The following DNAH14 variants were observed in gnomAD, a reference collection of about 807,000 sequenced individuals.
DNAH14 encodes the protein dynein axonemal heavy chain 14.
In DNAH14, 478 loss-of-function variants were observed where a neutral mutation model predicts 520.9. That is an observed-to-expected ratio of 0.92 (90% CI 0.85 to 0.99). DNAH14 has a LOEUF of 0.99. Ranked by LOEUF, DNAH14 falls within the 50% of genes least tolerant of loss-of-function variation. DNAH14 has a pLI of 0.00. For synonymous variants in DNAH14, 1,581 were observed against 1,757.2 expected, an observed-to-expected ratio of 0.90 and a Z score of 2.51; for missense variants, 4,831 against 5,234.5, an observed-to-expected ratio of 0.92 and a Z score of 2.38.
In DNAH14 at chr1:225,050,387, A is replaced by C; in HGVS notation, c.2079+11A>C. Reference sequence around the variant, plus strand: ...GCCTACCAAAATATAGTAAGTTTTAAAACAGTTCATTTTAGGAAATGTTTA... The same window carrying C: ...GCCTACCAAAATATAGTAAGTTTTACAACAGTTCATTTTAGGAAATGTTTA... On this transcript the variant is annotated intron_variant, in intron 16 of 85. Coordinates refer to ENST00000682510, the MANE Select transcript of DNAH14 (RefSeq NM_001367479.1). 1 of 1,524,376 alleles carries C rather than the reference A, an allele frequency of 6.6e-7. No homozygotes were observed. The highest frequency in any genetic ancestry group is 8.8e-7 in the Non-Finnish European group (1 of 1,139,354). The allele number at this position is 1,524,376 out of a possible 1,614,324, so 94.4% of individuals were successfully genotyped here.
intron 26 of DNAH14, among the ~76,000 whole-genome samples, chr1:225,121,490 G>A (rs926225708): frequency 2.6e-5 from 4 of 152,096 alleles, no homozygotes; most frequent in African/African-American, 7.2e-5. Flanking sequence ...CCATATAAAT[G>A]AGATCATACA....
chr1:225,303,772 T>G (rs2094184253), intron 57 of DNAH14, among the ~76,000 whole-genome samples: 1 of 152,116 alleles, frequency 6.6e-6, no homozygotes, highest in African/African-American at 2.4e-5. Context: ...AACTCAGAAT[T>G]TATGAGCCAA....
At chr1:225,239,734 A>G (rs1448467765) in intron 42 of DNAH14, among the ~76,000 whole-genome samples, 1 of 152,226 alleles carries the variant, frequency 6.6e-6, no homozygotes. Context: ...AAATCAATAC[A>G]TAATAACCAC....
At chr1:224,953,502 A>G (rs1411171435) in intron 2 of DNAH14, among the ~76,000 whole-genome samples, 2 of 152,166 alleles carry the variant, frequency 1.3e-5, no homozygotes, top group African/African-American at 2.4e-5. Flanking sequence ...TATGTAAAAC[A>G]CTCCTTAAAA....
At chr1:225,126,674 A>G (rs557068757) in intron 27 of DNAH14, among the ~76,000 whole-genome samples, 24 of 152,124 alleles carry the variant, frequency 1.6e-4, no homozygotes, top group African/African-American at 5.8e-4. Flanking sequence ...GGATTCATTA[A>G]TTTTTTGAAG....
Position 225,274,194 on chromosome 1 carries a change from G to GTTTTTTTTTTTTTT in DNAH14, c.8010+1071_8010+1072insTTTTTTTTTTTTTT, listed in dbSNP as rs1193834939. On this transcript the variant is annotated intron_variant, in intron 52 of 85. Transcript: ENST00000682510. ...TTTCTCTGCATCCTCACCAGCATCT[G>GTTTTTTTTTTTTTT]TTATTTTTTTTTTTTTTTTTTTTTT... Among the ~76,000 whole-genome samples the GTTTTTTTTTTTTTT allele has an allele frequency of 4.1e-3, 489 of 120,216 alleles. 84 individuals are homozygous for GTTTTTTTTTTTTTT. Among genetic ancestry groups the GTTTTTTTTTTTTTT allele is most frequent in the East Asian group, 9.6e-3 (35 of 3,640 alleles). The allele number at this position is 120,216 out of a possible 152,430, so 78.9% of individuals were successfully genotyped here.
chr1:225,054,576 T>C (rs1319412931), intron 17 of DNAH14, among the ~76,000 whole-genome samples: 1 of 152,164 alleles, frequency 6.6e-6, no homozygotes, highest in Non-Finnish European at 1.5e-5. Context: ...ACATAAATCC[T>C]GAAAACCTGT....
At chr1:225,357,390 G>A (rs919865501) in intron 73 of DNAH14, among the ~76,000 whole-genome samples, 1 of 151,748 alleles carries the variant, frequency 6.6e-6, no homozygotes, top group African/African-American at 2.4e-5. Flanking sequence ...TTGATCAATA[G>A]AATAAAAGAG....
chr1:225,006,116 T>C (rs2064148448), intron 9 of DNAH14, among the ~76,000 whole-genome samples: 1 of 152,180 alleles, frequency 6.6e-6, no homozygotes. Flanking sequence ...TGAACATAAA[T>C]TGTGAAGATT....
At position 225,061,322 on chromosome 1, in the gene DNAH14, G is replaced by A. The variant is rs369810489; in HGVS notation, c.2424+9527G>A. ...GTAGGACCCTCTGAGCCAGGCGCTG[G>A]ATACAATCTCCTGGTGTGCCATTTG... is the stretch of plus-strand genomic sequence containing the variant. On this transcript the variant is annotated intron_variant, in intron 17 of 85. Coordinates refer to ENST00000682510, the MANE Select transcript of DNAH14 (RefSeq NM_001367479.1). Among the ~76,000 whole-genome samples the A allele has an allele frequency of 9.8e-5, 15 of 152,364 alleles. No individual in the cohort carries two copies. The East Asian group carries it at 2.5e-3, about 25-fold the overall frequency.
At chr1:225,209,510 A>G (rs1280475437) in intron 41 of DNAH14, among the ~76,000 whole-genome samples, 1 of 152,172 alleles carries the variant, frequency 6.6e-6, no homozygotes, top group African/African-American at 2.4e-5. Context: ...GGTGTTTCTC[A>G]GCAAAGAAAC....
chr1:225,174,306 A>T (rs1477606980), intron 36 of DNAH14, among the ~76,000 whole-genome samples: 2 of 152,136 alleles, frequency 1.3e-5, no homozygotes, highest in Non-Finnish European at 2.9e-5. Context: ...AATTCTTGCA[A>T]TCCATGAACA....
intron 66 of DNAH14, among the ~76,000 whole-genome samples, chr1:225,335,202 C>T (rs2094911587): frequency 1.4e-5 from 2 of 142,794 alleles, no homozygotes; most frequent in African/African-American, 2.5e-5. Context: ...TATATGCACA[C>T]ACGTACATGT....
intron 41 of DNAH14, among the ~76,000 whole-genome samples, chr1:225,223,379 C>T (rs948516468): frequency 1.3e-5 from 2 of 152,108 alleles, no homozygotes; most frequent in Non-Finnish European, 2.9e-5. Flanking sequence ...CCTCCTCTAC[C>T]CCTGATGTAG....
At chr1:225,259,809 T>C (rs1338185199) in intron 46 of DNAH14, among the ~76,000 whole-genome samples, 3 of 152,182 alleles carry the variant, frequency 2.0e-5, no homozygotes, top group East Asian at 1.9e-4. Flanking sequence ...TGAGATTATA[T>C]AGTATTTGTC....
intron 11 of DNAH14, among the ~76,000 whole-genome samples, chr1:225,038,023 A>G (rs1443653172): frequency 6.6e-6 from 1 of 152,134 alleles, no homozygotes; most frequent in Admixed American, 6.5e-5. Context: ...TACTGTTACC[A>G]GTGAGTTTTG....
In DNAH14 at chr1:225,321,394, C is replaced by T. The variant is rs566750221; in HGVS notation, c.9336-1270C>T. Among the ~76,000 whole-genome samples the T allele has an allele frequency of 1.4e-3, 216 of 152,232 alleles. 2 individuals carry two copies. The highest frequency in any genetic ancestry group is 5.0e-3 in the African/African-American group (206 of 41,532). ...CCATGACACAAGTTTACCTATATAACCAACCTGCACATGTACTCCTGAAAC... is the reference window on the plus strand; with the variant it reads ...CCATGACACAAGTTTACCTATATAATCAACCTGCACATGTACTCCTGAAAC... On this transcript the variant is annotated intron_variant, in intron 61 of 85. Transcript: ENST00000682510.
At chr1:225,006,682 C>T (rs990383846) in intron 9 of DNAH14, among the ~76,000 whole-genome samples, 3 of 152,136 alleles carry the variant, frequency 2.0e-5, no homozygotes, top group South Asian at 2.1e-4. Context: ...AGACATTTAT[C>T]GATGACAATG....
At chr1:225,211,989 G>A (rs2088504533) in intron 41 of DNAH14, among the ~76,000 whole-genome samples, 1 of 151,764 alleles carries the variant, frequency 6.6e-6, no homozygotes, top group Non-Finnish European at 1.5e-5. Context: ...CATGTGCCTT[G>A]TTGGTGTGCT....
Sources: gnomAD v4.1 joint callset for allele counts (sites outside exome capture counted in the v4.1 genomes callset) on GRCh38, gnomAD v4.1.1 for gene constraint, MANE v1.5 for transcripts, NCBI Gene and HGNC (gene_info 2026-07-23, HGNC 2026-07-21) for gene names.